ST3GAL1: variants seen among roughly 807,000 people sequenced by gnomAD.
ST3GAL1 encodes CMP-N-acetylneuraminate-beta-galactosamide-alpha-2,3-sialyltransferase 1.
ST3GAL1 carries 16 observed loss-of-function variants against 34.1 expected under a neutral mutation model. That is an observed-to-expected ratio of 0.47 (90% CI 0.32 to 0.71). The LOEUF (loss-of-function observed/expected upper bound fraction) is 0.71. ST3GAL1 is among the 30% of genes least tolerant of loss of function. ST3GAL1 has a pLI of 0.04. For missense variants in ST3GAL1, 353 were observed against 447.4 expected (o/e 0.79, Z 1.90); for synonymous variants, 191 against 184.7 (o/e 1.03, Z -0.28).
At chr8:133,463,766 G>A (rs528734067) in intron 7 of ST3GAL1, among the ~76,000 whole-genome samples, 1 of 152,338 alleles carries the variant, frequency 6.6e-6, no homozygotes, top group South Asian at 2.1e-4. Context: ...GGGCCGTGGT[G>A]CCTCCACCTC....
chr8:133,471,409 C>T (rs1458506675), intron 5 of ST3GAL1, among the ~76,000 whole-genome samples: 1 of 152,182 alleles, frequency 6.6e-6, no homozygotes, highest in Non-Finnish European at 1.5e-5. Flanking sequence ...TCAGATGGCT[C>T]ACCCTGAGCA....
chr8:133,497,044 A>T (rs1157692021), intron 3 of ST3GAL1, among the ~76,000 whole-genome samples: 5 of 152,162 alleles, frequency 3.3e-5, no homozygotes, highest in Admixed American at 6.5e-5. Context: ...GTGATGAAGG[A>T]GGGACCTGAG....
At chr8:133,561,701 T>C (rs749294018) in intron 1 of ST3GAL1, among the ~76,000 whole-genome samples, 5 of 151,932 alleles carry the variant, frequency 3.3e-5, no homozygotes, top group Admixed American at 1.3e-4. Context: ...GGGGGTGAGG[T>C]GGAGGCAGTA....
chr8:133,503,120 C>T (rs191669765), intron 2 of ST3GAL1, among the ~76,000 whole-genome samples: 138 of 152,360 alleles, frequency 9.1e-4, no homozygotes, highest in Non-Finnish European at 2.8e-4. Context: ...AGGTTACCCA[C>T]AGCATTTTCA....
In ST3GAL1 at chr8:133,530,153, G is replaced by T. The variant is rs539981728; in HGVS notation, c.-429+15621C>A. ...TAATGAATAAACTAGAGCAGGGGGG[G>T]TGACATGGTGGGTCTTGTCCTATTC... On this transcript the variant is annotated intron_variant, in intron 2 of 9. Transcript: ENST00000522652. Among the ~76,000 whole-genome samples, 133 of 152,282 alleles carry T rather than the reference G, an allele frequency of 8.7e-4. 3 individuals carry two copies. In the South Asian group the frequency reaches 0.026, roughly 30 times the overall value.
intron 2 of ST3GAL1, among the ~76,000 whole-genome samples, chr8:133,531,970 T>TTCACAC (rs1262137839): frequency 6.6e-5 from 10 of 152,174 alleles, no homozygotes; most frequent in African/African-American, 2.4e-4. Flanking sequence ...CATTTACTCT[T>TTCACAC]TCACACTCAT....
rs982187192 is a variant in ST3GAL1, at chr8:133,507,601, C to G, written c.-428-8412G>C. ...TATAGGCCAAGTCTCTTGGAGAGTTCCTGGCACATTGTAGGGACATGAAGA... is the reference window on the plus strand; with the variant it reads ...TATAGGCCAAGTCTCTTGGAGAGTTGCTGGCACATTGTAGGGACATGAAGA... On this transcript the variant is annotated intron_variant, in intron 2 of 9. Coordinates refer to ENST00000522652, the MANE Select transcript of ST3GAL1 (RefSeq NM_173344.3). 2.0e-5 allele frequency among the ~76,000 whole-genome samples: 3 copies of G among 152,308 alleles called. No individual in the cohort carries two copies. In the East Asian group the frequency reaches 5.8e-4, roughly 29 times the overall value.
chr8:133,502,188 C>T (rs1385368478), intron 2 of ST3GAL1, among the ~76,000 whole-genome samples: 1 of 152,078 alleles, frequency 6.6e-6, no homozygotes, highest in South Asian at 2.1e-4. Context: ...CAGCTTAGCT[C>T]TTATTCAGTG....
intron 5 of ST3GAL1, among the ~76,000 whole-genome samples, chr8:133,474,765 A>G (rs1816103011): frequency 6.6e-6 from 1 of 152,112 alleles, no homozygotes; most frequent in Non-Finnish European, 1.5e-5. Context: ...TCTCAACTTG[A>G]GTCCTGCTGT....
chr8:133,558,175 G>C (rs1819113457), intron 1 of ST3GAL1, among the ~76,000 whole-genome samples: 1 of 152,208 alleles, frequency 6.6e-6, no homozygotes, highest in African/African-American at 2.4e-5. Flanking sequence ...GTGGGGCACA[G>C]AGCTCCCTAC....
In ST3GAL1 at chr8:133,493,862, A is replaced by AAG. The variant is rs1485760818; in HGVS notation, c.-374+5271_-374+5272dup. 6.5e-4 allele frequency among the ~76,000 whole-genome samples: 98 copies of AAG among 150,234 alleles called. No homozygotes were observed. In the East Asian group the frequency reaches 0.012, roughly 19 times the overall value. On this transcript the variant is annotated intron_variant, in intron 3 of 9. Coordinates refer to ENST00000522652, the MANE Select transcript of ST3GAL1 (RefSeq NM_173344.3). ...CTCTGTATCAGGAAAAAAAAAAAAAAAGAGAGAGAGAGGCCACCCTAGCTA... is the reference window on the plus strand; with the variant it reads ...CTCTGTATCAGGAAAAAAAAAAAAAAAGAGAGAGAGAGAGGCCACCCTAGCTA...
Position 133,459,694 on chromosome 8 carries a change from G to A in ST3GAL1, c.*70C>T. The A allele has an allele frequency of 4.6e-6, 7 of 1,530,094 alleles. No homozygotes were observed. Among genetic ancestry groups the A allele is most frequent in the Non-Finnish European group, 6.2e-6 (7 of 1,132,802 alleles). 94.8% of individuals were successfully genotyped at this position (1,530,094 alleles called of 1,614,324 possible). A position where few individuals can be genotyped will look rare whatever the true frequency, so the allele number is the denominator to read the frequency against. The stretch of plus-strand genomic sequence containing the variant: ...CCCCTCCAAGCTCCGGGATGGAACG[G>A]CTCCAGCAAGATGCTGGGGCTGGAA... On this transcript the variant is annotated 3_prime_UTR_variant, in exon 10 of 10. Coordinates refer to ENST00000522652, the MANE Select transcript of ST3GAL1 (RefSeq NM_173344.3). The surrounding 1 kb of genome is among the most constrained non-coding windows in gnomAD (Gnocchi z 4.7).
At chr8:133,554,750 C>A (rs748117628) in intron 1 of ST3GAL1, among the ~76,000 whole-genome samples, 4 of 131,288 alleles carry the variant, frequency 3.0e-5, no homozygotes, top group Admixed American at 1.6e-4. Flanking sequence ...TTTTTTGAGT[C>A]GGAGTCTTGC....
intron 3 of ST3GAL1, among the ~76,000 whole-genome samples, chr8:133,479,437 T>A (rs1302309705): frequency 3.3e-5 from 5 of 152,192 alleles, no homozygotes; most frequent in Non-Finnish European, 7.4e-5. Flanking sequence ...CATAGAAACC[T>A]GCTGGTGGGG....
Position 133,556,998 on chromosome 8 carries a change from T to A in ST3GAL1, c.-581-11072A>T, listed in dbSNP as rs114896255. Among the ~76,000 whole-genome samples, 1,250 of 152,218 alleles carry A rather than the reference T, an allele frequency of 8.2e-3. 14 individuals carry two copies. Among genetic ancestry groups the A allele is most frequent in the African/African-American group, 0.028 (1,170 of 41,550 alleles). On this transcript the variant is annotated intron_variant, in intron 1 of 9. Coordinates refer to ENST00000522652, the MANE Select transcript of ST3GAL1 (RefSeq NM_173344.3). This position sits in a 1 kb window ranked among gnomAD's most constrained non-coding sequence, Gnocchi z 8.9. ...CATTGTGACATGGTGGAAAGGGGTA[T>A]GTGACAACCCCCCAACCTGACCCTC...
intron 1 of ST3GAL1, among the ~76,000 whole-genome samples, chr8:133,550,220 C>G (rs1818800265): frequency 6.6e-6 from 1 of 152,222 alleles, no homozygotes; most frequent in Non-Finnish European, 1.5e-5. Context: ...TCTCTTCTCA[C>G]TCGTGCTCTG....
chr8:133,503,525 G>A (rs889150044), intron 2 of ST3GAL1, among the ~76,000 whole-genome samples: 2 of 148,806 alleles, frequency 1.3e-5, no homozygotes, highest in Admixed American at 6.7e-5. Context: ...TCCTCCCTCC[G>A]TCCAGCCCCC....
chr8:133,505,372 T>C (rs141273005), intron 2 of ST3GAL1, among the ~76,000 whole-genome samples: 2 of 152,276 alleles, frequency 1.3e-5, no homozygotes, highest in African/African-American at 4.8e-5. Flanking sequence ...TCCTCATCTA[T>C]GAAGCAAGCC....
At chr8:133,506,981 A>G (rs1817363648) in intron 2 of ST3GAL1, among the ~76,000 whole-genome samples, 1 of 148,086 alleles carries the variant, frequency 6.8e-6, no homozygotes, top group Non-Finnish European at 1.5e-5. Flanking sequence ...AAAATAAAGA[A>G]ACTTGGCAAA....
Sources: allele counts gnomAD v4.1 joint callset (sites outside exome capture counted in the v4.1 genomes callset), GRCh38; gene constraint gnomAD v4.1.1; non-coding constraint Gnocchi (gnomAD v3.1); transcripts MANE v1.5; gene names NCBI Gene and HGNC (gene_info 2026-07-23, HGNC 2026-07-21).